The following OPCML variants were observed in gnomAD, a reference collection of about 807,000 sequenced individuals.
OPCML encodes opioid binding protein/cell adhesion molecule like, also known as opioid-binding protein/cell adhesion molecule.
A neutral mutation model predicts 37.8 loss-of-function variants in OPCML; 13 were observed. That is an observed-to-expected ratio of 0.34 (90% CI 0.22 to 0.55). OPCML has a LOEUF of 0.55. Among genes scored for constraint, OPCML ranks in the 20% least tolerant of loss-of-function variants. The probability of loss-of-function intolerance (pLI) is 0.91; values close to 1 mark genes in which losing one functional copy is unlikely to be tolerated. For synonymous variants in OPCML, 176 were observed against 168.8 expected, an observed-to-expected ratio of 1.04 and a Z score of -0.33; for missense variants, 341 against 435.6, an observed-to-expected ratio of 0.78 and a Z score of 1.93.
In OPCML at chr11:133,208,535, TATA is replaced by T. The variant is rs1374438518; in HGVS notation, c.62-265528_62-265526del. On this transcript the variant is annotated intron_variant, in intron 1 of 7. Coordinates refer to ENST00000524381, the MANE Select transcript of OPCML (RefSeq NM_001012393.5). The surrounding 1 kb of genome is among the most constrained non-coding windows in gnomAD (Gnocchi z 8.9). ...AAGTATGTCAGTAGGGCATCGTAAA[TATA>T]ATTCCAATGCTGGCTATCCACATAT... Among the ~76,000 whole-genome samples the T allele has an allele frequency of 6.6e-6, 1 of 152,204 alleles. No individual in the cohort carries two copies. Among genetic ancestry groups the T allele is most frequent in the Admixed American group, 6.5e-5 (1 of 15,278 alleles).
chr11:132,987,094 A>T (rs1946693753), intron 1 of OPCML, among the ~76,000 whole-genome samples: 4 of 152,106 alleles, frequency 2.6e-5, no homozygotes, highest in Admixed American at 2.6e-4. Context: ...TCTTCTTTCG[A>T]CAACACTTCC....
At chr11:132,772,517 A>AGGAG (rs1363986949) in intron 2 of OPCML, 1 of 152,116 alleles carries the variant, frequency 6.6e-6, no homozygotes, top group East Asian at 1.9e-4. Context: ...TATGAATGGA[A>AGGAG]GGAGGGCACT....
intron 1 of OPCML, among the ~76,000 whole-genome samples, chr11:133,464,916 G>T (rs1003568006): frequency 6.6e-6 from 1 of 152,100 alleles, no homozygotes; most frequent in African/African-American, 2.4e-5. Flanking sequence ...CTCGGGTACC[G>T]CAGCTCTGAG....
At chr11:132,638,936 C>T (rs985186073) in intron 3 of OPCML, among the ~76,000 whole-genome samples, 1 of 152,212 alleles carries the variant, frequency 6.6e-6, no homozygotes. Context: ...TTGTCATAGT[C>T]TCAGTGAACT....
At chr11:133,059,930 G>C (rs1335050299) in intron 1 of OPCML, among the ~76,000 whole-genome samples, 1 of 152,152 alleles carries the variant, frequency 6.6e-6, no homozygotes, top group African/African-American at 2.4e-5. Flanking sequence ...ATAGAATTTT[G>C]GAAAACTTTA....
chr11:133,463,189 TAGAA>T (rs1347404720), intron 1 of OPCML, among the ~76,000 whole-genome samples: 9 of 82,506 alleles, frequency 1.1e-4, no homozygotes, highest in East Asian at 7.3e-4. Flanking sequence ...AAAAAAAAAA[TAGAA>T]AGAAAATAAA....
At chr11:132,777,808 C>A (rs1010324327) in intron 2 of OPCML, among the ~76,000 whole-genome samples, 1 of 152,160 alleles carries the variant, frequency 6.6e-6, no homozygotes, top group African/African-American at 2.4e-5. Flanking sequence ...GGTCTCACAC[C>A]TGTACCTTCA....
chr11:133,191,440 T>C (rs533862497), intron 1 of OPCML, among the ~76,000 whole-genome samples: 5 of 152,246 alleles, frequency 3.3e-5, no homozygotes, highest in Admixed American at 2.6e-4. Flanking sequence ...TAGAACAAAA[T>C]AAATTCTATA....
chr11:133,456,780 CA>C (rs34351764), intron 1 of OPCML, among the ~76,000 whole-genome samples: 1,267 of 122,126 alleles, frequency 0.01, 13 homozygotes, highest in African/African-American at 0.025. Flanking sequence ...CCAATCAGAC[CA>C]AAAAAAAAAA....
rs559866921 is a variant in OPCML, at chr11:132,621,111, A to G, written c.379+35976T>C. 8.5e-4 allele frequency among the ~76,000 whole-genome samples: 130 copies of G among 152,292 alleles called. 2 individuals are homozygous for G. The South Asian group carries it at 0.026, about 30-fold the overall frequency. On this transcript the variant is annotated intron_variant, in intron 3 of 7. Coordinates refer to ENST00000524381, the MANE Select transcript of OPCML (RefSeq NM_001012393.5). The stretch of plus-strand genomic sequence containing the variant: ...TAATGTGGTTAGCTTGTAAATTCTA[A>G]CCTCCTCTCATAGCTACCAGATGGC...
At chr11:132,703,832 C>T (rs1407876785) in intron 2 of OPCML, among the ~76,000 whole-genome samples, 2 of 152,280 alleles carry the variant, frequency 1.3e-5, no homozygotes, top group East Asian at 3.9e-4. Flanking sequence ...GGTGTTAGGG[C>T]AGGCCTCAGC....
rs1293160757 is a variant in OPCML at position 132,419,521 on chromosome 11, G to T, written c.*672C>A. The T allele has an allele frequency of 6.6e-6, 1 of 152,170 alleles. No individual in the cohort carries two copies. The highest frequency in any genetic ancestry group is 1.9e-4 in the East Asian group (1 of 5,188). 9.4% of individuals were successfully genotyped at this position (152,170 alleles called of 1,614,324 possible). A position where few individuals can be genotyped will look rare whatever the true frequency, so the allele number is the denominator to read the frequency against. Reference sequence around the variant, plus strand: ...GGTTACTTGACTTGCAAAATTTAGTGTTGGGTTTCATGCATAGCCCCAAAC... The same window carrying T: ...GGTTACTTGACTTGCAAAATTTAGTTTTGGGTTTCATGCATAGCCCCAAAC... On this transcript the variant is annotated 3_prime_UTR_variant, in exon 8 of 8. Coordinates refer to ENST00000524381, the MANE Select transcript of OPCML (RefSeq NM_001012393.5).
chr11:133,102,845 G>A (rs2060124), intron 1 of OPCML, among the ~76,000 whole-genome samples: 51,927 of 152,100 alleles, frequency 0.34, 10,640 homozygotes, highest in East Asian at 0.5. Context: ...TGTCTGTGTT[G>A]ATGTGAAATC....
At chr11:132,563,601 A>G (rs544664784) in intron 3 of OPCML, among the ~76,000 whole-genome samples, 3 of 152,108 alleles carry the variant, frequency 2.0e-5, no homozygotes, top group East Asian at 1.9e-4. Flanking sequence ...GGTTAATTCT[A>G]TGTTATACAA....
At chr11:133,361,983 G>T (rs548295278) in intron 1 of OPCML, 4 of 152,424 alleles carry the variant, frequency 2.6e-5, no homozygotes, top group Admixed American at 6.5e-5. Context: ...GCTGGCAAAG[G>T]CACGCGGCAC....
chr11:132,420,906 T>A (rs921865307), intron 7 of OPCML, among the ~76,000 whole-genome samples: 1 of 152,154 alleles, frequency 6.6e-6, no homozygotes, highest in East Asian at 1.9e-4. Context: ...CCTAAAGGCC[T>A]TGAAGCAGAT....
At chr11:133,092,125 G>A (rs997458681) in intron 1 of OPCML, among the ~76,000 whole-genome samples, 1 of 152,134 alleles carries the variant, frequency 6.6e-6, no homozygotes, top group Admixed American at 6.5e-5. Context: ...CTTTAACCAT[G>A]TGAAGACACA....
intron 1 of OPCML, among the ~76,000 whole-genome samples, chr11:133,074,076 C>T (rs538420239): frequency 4.6e-5 from 7 of 152,280 alleles, no homozygotes; most frequent in East Asian, 1.9e-4. Flanking sequence ...CATTATTTGC[C>T]GAGATAGCTC....
At chr11:132,535,512 C>G (rs914951280) in intron 3 of OPCML, among the ~76,000 whole-genome samples, 18 of 152,140 alleles carry the variant, frequency 1.2e-4, no homozygotes, top group Admixed American at 1.0e-3. Context: ...CTTAGCAATG[C>G]AATAAGTAAT....
Sources: allele counts gnomAD v4.1 joint callset (sites outside exome capture counted in the v4.1 genomes callset), GRCh38; gene constraint gnomAD v4.1.1; non-coding constraint Gnocchi (gnomAD v3.1); transcripts MANE v1.5; gene names NCBI Gene and HGNC (gene_info 2026-07-23, HGNC 2026-07-21).